The following IQGAP2 variants were observed in gnomAD, a reference collection of about 807,000 sequenced individuals.
IQGAP2 encodes the protein ras GTPase-activating-like protein IQGAP2.
In IQGAP2, 173 loss-of-function variants were observed where a neutral mutation model predicts 201.3. The observed-to-expected ratio is 0.86, with a 90% CI of 0.76 to 0.98. IQGAP2 has a LOEUF of 0.98. Ranked by LOEUF, IQGAP2 falls within the 50% of genes least tolerant of loss-of-function variation. The pLI is 0.00. For synonymous variants in IQGAP2, 675 were observed against 673.9 expected, an observed-to-expected ratio of 1.00 and a Z score of -0.03; for missense variants, 1,687 against 1,864.8, an observed-to-expected ratio of 0.90 and a Z score of 1.76.
chr5:76,701,339 A>C, intron 34 of IQGAP2, 126 bp downstream of exon 34: 1 of 861,176 alleles, frequency 1.2e-6, no homozygotes, highest in Non-Finnish European at 1.9e-6. Flanking sequence ...GGAAGAATAC[A>C]CAAATTGTTA....
intron 4 of IQGAP2, among the ~76,000 whole-genome samples, chr5:76,572,636 A>C (rs768202475): frequency 6.9e-6 from 1 of 143,930 alleles, no homozygotes; most frequent in Non-Finnish European, 1.5e-5. Context: ...CAGGGTTTCC[A>C]CATGTTGGCC....
chr5:76,674,790 T>G, intron 27 of IQGAP2, 81 bp downstream of exon 27: 1 of 1,048,286 alleles, frequency 9.5e-7, no homozygotes. Context: ...AGAGCTAGAG[T>G]GGGCATGGAG....
chr5:76,639,752 A>G (rs1282481273), intron 16 of IQGAP2, among the ~76,000 whole-genome samples: 7 of 152,286 alleles, frequency 4.6e-5, no homozygotes, highest in East Asian at 3.9e-4. Flanking sequence ...GAGTCTGACC[A>G]ATGCTACCAA....
chr5:76,492,644 T>C (rs1349198833), intron 2 of IQGAP2, among the ~76,000 whole-genome samples: 1 of 152,120 alleles, frequency 6.6e-6, no homozygotes, highest in Non-Finnish European at 1.5e-5. Flanking sequence ...CAGAAGAGTG[T>C]GTGAAGGTTT....
intron 5 of IQGAP2, among the ~76,000 whole-genome samples, chr5:76,579,442 A>AG (rs1745691378): frequency 8.1e-6 from 1 of 124,048 alleles, no homozygotes; most frequent in Non-Finnish European, 1.6e-5. Context: ...TCTTTGTTTA[A>AG]AAAAAAAAAA....
At chr5:76,562,263 C>A in intron 2 of IQGAP2, 133 bp from the exon 3 acceptor site, 1 of 635,258 alleles carries the variant, frequency 1.6e-6, no homozygotes, top group Non-Finnish European at 2.7e-6. Flanking sequence ...TCCCTTCCCA[C>A]CAGTGACACC....
chr5:76,700,557 A>G (rs1199920629), intron 33 of IQGAP2, among the ~76,000 whole-genome samples: 1 of 152,196 alleles, frequency 6.6e-6, no homozygotes, highest in Non-Finnish European at 1.5e-5. Flanking sequence ...ACTCACAAGT[A>G]TGGTTATGAG....
intron 2 of IQGAP2, among the ~76,000 whole-genome samples, chr5:76,551,211 TCGGGGC>T (rs1743475337): frequency 7.9e-6 from 1 of 127,126 alleles, no homozygotes; most frequent in East Asian, 2.3e-4. Flanking sequence ...CCAGACGGGG[TCGGGGC>T]CGGGCAGAGG....
At chr5:76,423,844 C>T (rs951200267) in intron 1 of IQGAP2, among the ~76,000 whole-genome samples, 1 of 152,198 alleles carries the variant, frequency 6.6e-6, no homozygotes, top group African/African-American at 2.4e-5. Context: ...ATAATTTACA[C>T]TGTCTCTCAG....
At chr5:76,441,529 AC>A in intron 1 of IQGAP2, 2 of 984,996 alleles carry the variant, frequency 2.0e-6, no homozygotes, top group Non-Finnish European at 2.4e-6. Context: ...AAGAGAAGGT[AC>A]AACTGTAATA....
chr5:76,588,621 T>C (rs1052319749), intron 5 of IQGAP2, among the ~76,000 whole-genome samples: 1 of 152,190 alleles, frequency 6.6e-6, no homozygotes, highest in Non-Finnish European at 1.5e-5. Flanking sequence ...GCTGTGTTTC[T>C]TGTTCTCCAT....
intron 2 of IQGAP2, among the ~76,000 whole-genome samples, chr5:76,504,244 C>T (rs545162994): frequency 5.1e-4 from 77 of 152,300 alleles, no homozygotes; most frequent in African/African-American, 1.6e-3. Context: ...TTCTACTGTT[C>T]GACACCTCTT....
In IQGAP2 at chr5:76,562,418, G is replaced by A. The variant is rs1193458155; in HGVS notation, c.169G>A (p.Glu57Lys). 1.5e-5 allele frequency: 25 copies of A among 1,613,138 alleles called. No individual in the cohort carries two copies. Among genetic ancestry groups the A allele is most frequent in the Non-Finnish European group, 2.1e-5 (25 of 1,179,522 alleles). The change falls in exon 3 of 36, where the codon GAA becomes AAA. Residue 57 changes from glutamate (E) to lysine (K), a missense_variant. Transcript: ENST00000274364. ...TAGGTGGATGGAAGTTTGCTTAGTT[G>A]AAGAATTGCCACCAACCACTGAATT... is the stretch of plus-strand genomic sequence containing the variant. ...AKRWMEVCLV[E>K]ELPPTTELEE...
At chr5:76,706,593 C>T (rs1449887396) in intron 35 of IQGAP2, among the ~76,000 whole-genome samples, 4 of 152,154 alleles carry the variant, frequency 2.6e-5, no homozygotes, top group African/African-American at 9.7e-5. Context: ...AGTGATCCAC[C>T]TGCCTCAGCC....
chr5:76,572,213 ATT>A (rs907882473), intron 4 of IQGAP2, among the ~76,000 whole-genome samples: 20 of 132,736 alleles, frequency 1.5e-4, no homozygotes, highest in Admixed American at 3.8e-4. Flanking sequence ...ATGTACAGCT[ATT>A]TTTTTTTTTT....
At chr5:76,497,414 T>G (rs1757050795) in intron 2 of IQGAP2, among the ~76,000 whole-genome samples, 1 of 152,240 alleles carries the variant, frequency 6.6e-6, no homozygotes, top group African/African-American at 2.4e-5. Context: ...TAAAAAAATC[T>G]TTTCTAAAAT....
chr5:76,658,672 G>C lies in IQGAP2; in HGVS notation c.2529+5G>C. ...AAGAACAGGATCACACTAGAGGTCA[G>C]TGGGGTTTTTGGGACTGTCAGCTCC... is the stretch of plus-strand genomic sequence containing the variant. On this transcript the variant is annotated splice_donor_5th_base_variant and intron_variant, in intron 21 of 35. Transcript: ENST00000274364. 6.2e-7 allele frequency: 1 copy of C among 1,613,204 alleles called. No individual in the cohort carries two copies. The highest frequency in any genetic ancestry group is 8.5e-7 in the Non-Finnish European group (1 of 1,179,596).
At chr5:76,621,121 A>AAG (rs1245567023) in intron 13 of IQGAP2, among the ~76,000 whole-genome samples, 4 of 152,274 alleles carry the variant, frequency 2.6e-5, no homozygotes, top group South Asian at 2.1e-4. Context: ...AAATTCCTCC[A>AAG]TATTGAATAC....
intron 29 of IQGAP2, 152 bp from the exon 30 acceptor site, chr5:76,683,624 T>C (rs1051834075): frequency 3.5e-6 from 2 of 563,904 alleles, no homozygotes; most frequent in Non-Finnish European, 5.8e-6. Context: ...TAAAAGCCAC[T>C]TTAGCTATAG....
Sources: gnomAD v4.1 joint callset for allele counts (sites outside exome capture counted in the v4.1 genomes callset) on GRCh38, gnomAD v4.1.1 for gene constraint, MANE v1.5 for transcripts, NCBI Gene and HGNC (gene_info 2026-07-23, HGNC 2026-07-21) for gene names.